Variants in SCAND1 observed in about 807,000 individuals in gnomAD.
SCAND1 encodes the protein SCAN domain containing 1, also known as SCAN domain-containing protein 1.
In SCAND1, 3 loss-of-function variants were observed where a neutral mutation model predicts 3.4. The observed-to-expected ratio is 0.87, with a 90% CI of 0.40 to 2.25. The LOEUF (loss-of-function observed/expected upper bound fraction) is 2.25. Among genes scored for constraint, SCAND1 ranks in the 30% most tolerant of loss-of-function variants. The probability of loss-of-function intolerance (pLI) is 0.05; values close to 1 mark genes in which losing one functional copy is unlikely to be tolerated. For missense variants in SCAND1, 303 were observed against 258.8 expected (o/e 1.17, Z -1.17); for synonymous variants, 152 against 120.5 (o/e 1.26, Z -1.72).
chr20:35,957,141 A>G (rs11908470), upstream of SCAND1, among the ~76,000 whole-genome samples: 12,434 of 152,166 alleles, frequency 0.082, 794 homozygotes, highest in South Asian at 0.2. Flanking sequence ...AGGAGGAGGG[A>G]CCTGAGAGAT....
At chr20:35,956,309 C>T (rs944855135), upstream of SCAND1, among the ~76,000 whole-genome samples, 5 of 152,110 alleles carry the variant, frequency 3.3e-5, no homozygotes, top group African/African-American at 1.2e-4. Context: ...TAGTTGCTGA[C>T]ATGTAAAAAT....
upstream of SCAND1, among the ~76,000 whole-genome samples, chr20:35,957,422 A>G: frequency 6.6e-6 from 1 of 151,856 alleles, no homozygotes; most frequent in South Asian, 2.1e-4. Flanking sequence ...CCCTGTCTCT[A>G]CTAAAAATAC....
upstream of SCAND1, among the ~76,000 whole-genome samples, chr20:35,956,422 A>G (rs1448744569): frequency 6.6e-6 from 1 of 152,196 alleles, no homozygotes; most frequent in Non-Finnish European, 1.5e-5. Context: ...ATCAGCTGAC[A>G]CTGAGTAGAG....
chr20:35,957,706 T>G (rs2056270727), upstream of SCAND1: 1 of 152,238 alleles, frequency 6.6e-6, no homozygotes, highest in African/African-American at 2.4e-5. Flanking sequence ...TATTTCATTC[T>G]TTTGAATTTT....
upstream of SCAND1, among the ~76,000 whole-genome samples, chr20:35,956,824 G>T (rs559630165): frequency 6.6e-6 from 1 of 152,276 alleles, no homozygotes; most frequent in Admixed American, 6.5e-5. Flanking sequence ...AACAAAATGG[G>T]TGGGGCTCAG....
Position 35,954,181 on chromosome 20 carries a change from C to T in SCAND1, c.104G>A (p.Cys35Tyr), listed in dbSNP as rs766829688. The T allele has an allele frequency of 3.7e-6, 6 of 1,610,592 alleles. No homozygotes were observed. Among genetic ancestry groups the T allele is most frequent in the South Asian group, 2.2e-5 (2 of 90,752 alleles). ...GGCCTCTGGCAGCGAGGAGCCCACA[C>T]AGTTACGCTCAGGGGCTGAGCTCGA... ...AGSSSAPERNCVGSSLPEASP... is the reference protein window; with the variant it reads ...AGSSSAPERNYVGSSLPEASP... The change falls in exon 2 of 2, where the codon TGT becomes TAT. Residue 35 changes from cysteine (C) to tyrosine (Y), a missense_variant. Transcript: ENST00000305978.
upstream of SCAND1, among the ~76,000 whole-genome samples, chr20:35,956,134 G>A (rs2056254516): frequency 1.3e-5 from 2 of 152,236 alleles, no homozygotes; most frequent in Non-Finnish European, 2.9e-5. Context: ...GCCCGTGCAG[G>A]ATGGAGGAGC....
upstream of SCAND1, chr20:35,954,635 T>C: frequency 7.7e-7 from 1 of 1,306,086 alleles, no homozygotes; most frequent in Non-Finnish European, 9.9e-7. Context: ...TGGCCTGGGC[T>C]CCTTCCGAAT....
chr20:35,953,867 C>G lies in SCAND1; in HGVS notation c.418G>C (p.Asp140His). ...ACGATCTGCTCCTTGGTGCGGATGT[C>G]AGGCCGCAGCCACTGGCGGGACAGC... Reference protein sequence around the residue: ...RELSRQWLRPDIRTKEQIVEM... With the variant: ...RELSRQWLRPHIRTKEQIVEM... The change falls in exon 2 of 2, where the codon GAC (aspartate) becomes CAC (histidine). Residue 140 changes from aspartate (D) to histidine (H), a missense_variant. Physicochemically the swap from Asp to His is moderately conservative, Grantham distance 81. Transcript: ENST00000305978. 1 of 1,591,566 alleles carries G rather than the reference C, an allele frequency of 6.3e-7. No individual in the cohort carries two copies. The highest frequency in any genetic ancestry group is 8.5e-7 in the Non-Finnish European group (1 of 1,171,154).
chr20:35,954,298 G>C lies in SCAND1; in HGVS notation c.-14C>G, dbSNP rs920087991. On this transcript the variant is annotated 5_prime_UTR_variant, in exon 2 of 2. Transcript: ENST00000305978. ...CGTAGCCGCCATAACTCCAGCTCCG[G>C]GCGTCACTCTTTGTCCGGTAGCTGT... is the stretch of plus-strand genomic sequence containing the variant. The C allele has an allele frequency of 1.2e-6, 2 of 1,613,560 alleles. No homozygotes were observed. Among genetic ancestry groups the C allele is most frequent in the South Asian group, 1.1e-5 (1 of 91,028 alleles).
chr20:35,956,688 A>G (rs757692588), upstream of SCAND1, among the ~76,000 whole-genome samples: 1 of 152,238 alleles, frequency 6.6e-6, no homozygotes, highest in South Asian at 2.1e-4. Flanking sequence ...AGTGACCAAC[A>G]GTGCTATTCC....
In SCAND1 at chr20:35,954,171, G is replaced by T; in HGVS notation, c.114C>A (p.Ser38=). 2 of 1,607,284 alleles carry T rather than the reference G, an allele frequency of 1.2e-6. No individual in the cohort carries two copies. The highest frequency in any genetic ancestry group is 1.7e-6 in the Non-Finnish European group (2 of 1,177,882). The change falls in exon 2 of 2, where the codon TCC becomes TCA. Residue 38 remains serine (S), a synonymous_variant. Coordinates refer to ENST00000305978, the MANE Select transcript of SCAND1 (RefSeq NM_033630.3). ...SSAPERNCVG[S]SLPEASPPAP... Reference sequence around the variant, plus strand: ...CAGGCGGTGAGGCCTCTGGCAGCGAGGAGCCCACACAGTTACGCTCAGGGG... The same window carrying T: ...CAGGCGGTGAGGCCTCTGGCAGCGATGAGCCCACACAGTTACGCTCAGGGG...
In SCAND1 at chr20:35,953,949, C is replaced by T; in HGVS notation, c.336G>A (p.Arg112=). Residue 112 remains arginine (R), a synonymous_variant, in exon 2 of 2, where the codon CGG becomes CGA. Coordinates refer to ENST00000305978, the MANE Select transcript of SCAND1 (RefSeq NM_033630.3). ...LGPETFRQRF[R]QFRYQDAAGP... The stretch of plus-strand genomic sequence containing the variant: ...CCGCCGCATCCTGGTAGCGGAACTG[C>T]CGGAAACGCTGGCGGAACGTCTCGG... 1 of 1,578,226 alleles carries T rather than the reference C, an allele frequency of 6.3e-7. No individual in the cohort carries two copies. The highest frequency in any genetic ancestry group is 1.1e-5 in the South Asian group (1 of 87,224).
chr20:35,954,927 C>T (rs569493167), upstream of SCAND1: 14 of 236,436 alleles, frequency 5.9e-5, no homozygotes, highest in South Asian at 4.4e-4. Context: ...CGGGAGGGGC[C>T]CATCTGGAGA....
chr20:35,959,143 C>T (rs1403776551), upstream of SCAND1: 4 of 152,192 alleles, frequency 2.6e-5, no homozygotes, highest in Non-Finnish European at 5.9e-5. Context: ...GTAACTACCA[C>T]ACAGGATGGT....
chr20:35,958,500 A>G (rs766694399), upstream of SCAND1, among the ~76,000 whole-genome samples: 2 of 152,226 alleles, frequency 1.3e-5, no homozygotes, highest in Admixed American at 6.5e-5. Flanking sequence ...AATAGTTCAG[A>G]GAGGTTTCAT....
At chr20:35,955,349 T>TA (rs1479031756), upstream of SCAND1, 1 of 152,214 alleles carries the variant, frequency 6.6e-6, no homozygotes, top group South Asian at 2.1e-4. Flanking sequence ...TTGGGTCAAA[T>TA]AAAAATGTTA....
Position 35,953,658 on chromosome 20 carries a change from G to A in SCAND1, c.*87C>T. 1 of 792,920 alleles carries A rather than the reference G, an allele frequency of 1.3e-6. No individual in the cohort carries two copies. 49.1% of individuals were successfully genotyped at this position (792,920 alleles called of 1,614,324 possible). A position where few individuals can be genotyped will look rare whatever the true frequency, so the allele number is the denominator to read the frequency against. On this transcript the variant is annotated 3_prime_UTR_variant, in exon 2 of 2. Coordinates refer to ENST00000305978, the MANE Select transcript of SCAND1 (RefSeq NM_033630.3). ...AAAACTCATTTTTCATTAACACGGGGTGGGGTCCCAGGCTCAGGCCCCCGG... is the reference window on the plus strand; with the variant it reads ...AAAACTCATTTTTCATTAACACGGGATGGGGTCCCAGGCTCAGGCCCCCGG...
upstream of SCAND1, among the ~76,000 whole-genome samples, chr20:35,955,844 C>T (rs571193890): frequency 6.6e-6 from 1 of 152,086 alleles, no homozygotes; most frequent in Non-Finnish European, 1.5e-5. Flanking sequence ...CTCCGCCTCC[C>T]GAGTAGCTGG....
Sources: gnomAD v4.1 joint callset for allele counts (sites outside exome capture counted in the v4.1 genomes callset) on GRCh38, gnomAD v4.1.1 for gene constraint, MANE v1.5 for transcripts, NCBI Gene and HGNC (gene_info 2026-07-23, HGNC 2026-07-21) for gene names.